ENO3: variants seen among roughly 807,000 people sequenced by gnomAD.
The protein encoded by ENO3 is enolase 3.
In ENO3, 46 loss-of-function variants were observed where a neutral mutation model predicts 47.7. The observed-to-expected ratio is 0.96, with a 90% confidence interval of 0.76 to 1.23. The LOEUF is 1.23. Among genes scored for constraint, ENO3 ranks in the 50% most tolerant of loss-of-function variants. The pLI is 0.00. For synonymous variants in ENO3, 223 were observed against 225.9 expected (o/e 0.99, Z 0.11); for missense variants, 575 against 566.2 (o/e 1.02, Z -0.16).
upstream of ENO3, chr17:4,950,447 C>A: frequency 3.8e-6 from 2 of 526,388 alleles, no homozygotes; most frequent in Non-Finnish European, 4.9e-6. Flanking sequence ...GGGAAAGGGG[C>A]TCTGACCGAC....
chr17:4,955,024 C>T (rs749444481), intron 6 of ENO3, 51 bp from the exon 7 acceptor site: 1 of 1,471,334 alleles, frequency 6.8e-7, no homozygotes, highest in South Asian at 1.1e-5. Context: ...CCTGTCCCTT[C>T]TTGAGCTCTC....
intron 6 of ENO3, chr17:4,954,179 T>G: frequency 2.4e-6 from 1 of 414,874 alleles, no homozygotes; most frequent in South Asian, 2.4e-5. Context: ...CATTTCTTTG[T>G]ATCTTCTTGA....
intron 6 of ENO3, chr17:4,954,277 A>G: frequency 4.1e-6 from 1 of 246,524 alleles, no homozygotes; most frequent in Non-Finnish European, 8.1e-6. Flanking sequence ...GTTACTTACT[A>G]GGAGGATTGC....
chr17:4,951,309 G>T (rs1971532728), intron 1 of ENO3, 127 bp downstream of exon 1: 12 of 1,008,812 alleles, frequency 1.2e-5, no homozygotes, highest in Non-Finnish European at 1.4e-5. Flanking sequence ...AAAAGCTGGG[G>T]GAAGGGGCGG....
chr17:4,955,006 C>T (rs1372417620), intron 6 of ENO3, 69 bp from the exon 7 acceptor site: 1 of 1,476,266 alleles, frequency 6.8e-7, no homozygotes, highest in Non-Finnish European at 9.3e-7. Context: ...ACCCCAACAC[C>T]CCCCGCCCCT....
chr17:4,953,078 A>G lies in ENO3; in HGVS notation c.209A>G (p.Asn70Ser), dbSNP rs146408284. The G allele has an allele frequency of 6.5e-5, 105 of 1,614,208 alleles. No individual in the cohort carries two copies. In the African/African-American group the frequency reaches 1.1e-3, roughly 17 times the overall value. Reference sequence around the variant, plus strand: ...GTCCTGAAGGCTGTGGAGAACATCAACAATACTCTGGGCCCTGCTCTGCTG... The same window carrying G: ...GTCCTGAAGGCTGTGGAGAACATCAGCAATACTCTGGGCCCTGCTCTGCTG... ...KGVLKAVENINNTLGPALLQK... is the reference protein window; with the variant it reads ...KGVLKAVENISNTLGPALLQK... The change falls in exon 4 of 12, where the codon AAC (asparagine) becomes AGC (serine). Residue 70 changes from asparagine to serine, a missense_variant. Asn to Ser is a conservative substitution (Grantham distance 46). Coordinates refer to ENST00000519602, the MANE Select transcript of ENO3 (RefSeq NM_053013.4).
chr17:4,954,254 G>T, intron 6 of ENO3: 1 of 262,596 alleles, frequency 3.8e-6, no homozygotes. Context: ...CAATAATAAT[G>T]TTACCATTTC....
At position 4,955,596 on chromosome 17, in the gene ENO3, A is replaced by G. The variant is rs1237987237; in HGVS notation, c.857A>G (p.Asn286Ser). The G allele has an allele frequency of 6.2e-7, 1 of 1,614,070 alleles. No individual in the cohort carries two copies. Among genetic ancestry groups the G allele is most frequent in the East Asian group, 2.2e-5 (1 of 44,888 alleles). Residue 286 changes from asparagine (N) to serine (S), a missense_variant, in exon 8 of 12, where the codon AAC (asparagine) becomes AGC (serine). By Grantham distance (46) the Asn-to-Ser change is conservative. Coordinates refer to ENST00000519602, the MANE Select transcript of ENO3 (RefSeq NM_053013.4). ...GAGCTGTATAAGAGCTTTATCAAGA[A>G]CTATCCTGGTGAGGCGTTCGGGTGT... ...LGELYKSFIKNYPVVSIEDPF... is the reference protein window; with the variant it reads ...LGELYKSFIKSYPVVSIEDPF...
In ENO3 at chr17:4,953,045, G is replaced by A. The variant is rs1461705977; in HGVS notation, c.182-6G>A. On this transcript the variant is annotated splice_polypyrimidine_tract_variant and splice_region_variant and intron_variant, in intron 3 of 11. Transcript: ENST00000519602. ...AGCTCCAAAACTCATCCTCTGGCCT[G>A]TCTAGGAGTCCTGAAGGCTGTGGAG... 6.2e-7 allele frequency: 1 copy of A among 1,614,234 alleles called. No individual in the cohort carries two copies. Among genetic ancestry groups the A allele is most frequent in the South Asian group, 1.1e-5 (1 of 91,092 alleles).
rs370699915 is a variant in ENO3 at position 4,955,612 on chromosome 17, G to A, written c.865+8G>A. 5.6e-6 allele frequency: 9 copies of A among 1,614,216 alleles called. No homozygotes were observed. The highest frequency in any genetic ancestry group is 3.3e-5 in the Admixed American group (2 of 60,026). On this transcript the variant is annotated splice_region_variant and intron_variant, in intron 8 of 11. Transcript: ENST00000519602. ...TTATCAAGAACTATCCTGGTGAGGC[G>A]TTCGGGTGTCCCAGTGTTCCTGCCC... is the stretch of plus-strand genomic sequence containing the variant.
In ENO3 at chr17:4,956,894, A is replaced by C; in HGVS notation, c.1235+5A>C. ...CAAATACAACCAACTCATGAGGTAC[A>C]GCGGGAACAGTGGGCCTGGGCATTG... On this transcript the variant is annotated splice_donor_5th_base_variant and intron_variant, in intron 11 of 11. Transcript: ENST00000519602. The C allele has an allele frequency of 6.2e-7, 1 of 1,614,222 alleles. No individual in the cohort carries two copies. Among genetic ancestry groups the C allele is most frequent in the South Asian group, 1.1e-5 (1 of 91,084 alleles).
chr17:4,955,605 G>A lies in ENO3; in HGVS notation c.865+1G>A. On this transcript the variant is annotated splice_donor_variant, in intron 8 of 11. Transcript: ENST00000519602. LOFTEE classifies it high-confidence loss of function. ...AAGAGCTTTATCAAGAACTATCCTG[G>A]TGAGGCGTTCGGGTGTCCCAGTGTT... is the stretch of plus-strand genomic sequence containing the variant. 6.2e-7 allele frequency: 1 copy of A among 1,614,218 alleles called. No individual in the cohort carries two copies. Among genetic ancestry groups the A allele is most frequent in the Non-Finnish European group, 8.5e-7 (1 of 1,180,040 alleles).
At chr17:4,952,444 C>T (rs545679960) in intron 2 of ENO3, 226 of 351,136 alleles carry the variant, frequency 6.4e-4, no homozygotes, top group Non-Finnish European at 1.0e-3. Context: ...CCCGGGTTCA[C>T]GCCATTCTCC....
chr17:4,953,715 A>G lies in ENO3; in HGVS notation c.314A>G (p.Lys105Arg), dbSNP rs748833241. The part of the protein sequence containing the change: ...IELDGTENKS[K>R]FGANAILGVS... ...CTTCCCGCTTGCCTCCTTCCAGCCA[A>G]GTTTGGGGCCAATGCCATCCTGGGC... The change falls in exon 6 of 12, where the codon AAG (lysine) becomes AGG (arginine). Residue 105 changes from lysine (K) to arginine (R), a missense_variant. By Grantham distance (26) the Lys-to-Arg change is conservative (BLOSUM62 2). Transcript: ENST00000519602. 1 of 1,614,116 alleles carries G rather than the reference A, an allele frequency of 6.2e-7. No individual in the cohort carries two copies. Among genetic ancestry groups the G allele is most frequent in the Non-Finnish European group, 8.5e-7 (1 of 1,179,998 alleles).
chr17:4,956,159 C>T lies in ENO3; in HGVS notation c.1067+16C>T, dbSNP rs571150121. ...CGATCCAGGCGTGAGTGCCTCCTGACCCTGAGGCTCACCATAGCCTGCCTC... is the reference window on the plus strand; with the variant it reads ...CGATCCAGGCGTGAGTGCCTCCTGATCCTGAGGCTCACCATAGCCTGCCTC... On this transcript the variant is annotated intron_variant, in intron 9 of 11. Transcript: ENST00000519602. The T allele has an allele frequency of 4.0e-5, 65 of 1,613,234 alleles. No individual in the cohort carries two copies. In the South Asian group the frequency reaches 6.6e-4, roughly 16 times the overall value.
At chr17:4,956,223 C>A (rs1226079321) in intron 9 of ENO3, 80 bp downstream of exon 9, 11 of 1,523,236 alleles carry the variant, frequency 7.2e-6, no homozygotes, top group Non-Finnish European at 9.9e-6. Flanking sequence ...GTCTTACCCA[C>A]CAACTCCAAG....
At chr17:4,956,787 T>C (rs1971750654) in intron 10 of ENO3, 44 bp from the exon 11 acceptor site, 1 of 1,614,208 alleles carries the variant, frequency 6.2e-7, no homozygotes, top group Non-Finnish European at 8.5e-7. Flanking sequence ...CAACCCCTCC[T>C]TTCCAGCCTC....
chr17:4,949,397 C>T (rs997238704), upstream of ENO3: 5 of 152,564 alleles, frequency 3.3e-5, no homozygotes, highest in South Asian at 2.1e-4. Flanking sequence ...CCGCCCCAGG[C>T]AGGCAATGTC....
At chr17:4,952,335 C>G (rs377314864) in intron 2 of ENO3, 1 of 331,628 alleles carries the variant, frequency 3.0e-6, no homozygotes, top group Admixed American at 4.7e-5. Context: ...TGCCATCACG[C>G]CCAGCTAATT....
Sources: allele counts gnomAD v4.1 joint callset, GRCh38; gene constraint gnomAD v4.1.1; transcripts MANE v1.5; gene names NCBI Gene and HGNC (gene_info 2026-07-23, HGNC 2026-07-21).